CCDC178: variants seen among roughly 807,000 people sequenced by gnomAD.
CCDC178 encodes coiled-coil domain containing 178.
Under a neutral mutation model 117.4 loss-of-function variants are expected in CCDC178, and 126 were observed. The ratio of observed to expected loss-of-function variants is 1.07; its 90% CI spans 0.93 to 1.24. The LOEUF (loss-of-function observed/expected upper bound fraction) is 1.24. Among genes scored for constraint, CCDC178 ranks in the 50% most tolerant of loss-of-function variants. CCDC178 has a pLI of 0.00. For synonymous variants in CCDC178, 283 were observed against 313.4 expected, an observed-to-expected ratio of 0.90 and a Z score of 1.02; for missense variants, 1,030 against 986.9, an observed-to-expected ratio of 1.04 and a Z score of -0.59.
intron 20 of CCDC178, among the ~76,000 whole-genome samples, chr18:33,112,245 T>G (rs989864039): frequency 6.6e-6 from 1 of 151,868 alleles, no homozygotes; most frequent in Non-Finnish European, 1.5e-5. Context: ...AAGCTCATAA[T>G]AGTACAACCA....
chr18:33,330,225 T>C (rs2062647659), intron 10 of CCDC178, among the ~76,000 whole-genome samples: 1 of 152,168 alleles, frequency 6.6e-6, no homozygotes, highest in Non-Finnish European at 1.5e-5. Context: ...TGTTTACTTT[T>C]ACTAAGATAT....
chr18:33,232,761 G>A (rs187452111), intron 15 of CCDC178, among the ~76,000 whole-genome samples: 14 of 152,160 alleles, frequency 9.2e-5, no homozygotes, highest in African/African-American at 2.2e-4. Flanking sequence ...CCACAGATAC[G>A]CATTTTGACT....
At chr18:32,995,265 A>G (rs1261189068) in intron 21 of CCDC178, among the ~76,000 whole-genome samples, 1 of 152,200 alleles carries the variant, frequency 6.6e-6, no homozygotes, top group Non-Finnish European at 1.5e-5. Flanking sequence ...TGAATCTCTT[A>G]ATGGCTTTCT....
chr18:33,343,255 G>T (rs1333970967), intron 9 of CCDC178, among the ~76,000 whole-genome samples: 1 of 152,140 alleles, frequency 6.6e-6, no homozygotes, highest in African/African-American at 2.4e-5. Context: ...TGTGTCTTCA[G>T]ATAATGTTTG....
chr18:33,039,133 C>G (rs1053838414), intron 21 of CCDC178, among the ~76,000 whole-genome samples: 1 of 151,884 alleles, frequency 6.6e-6, no homozygotes, highest in African/African-American at 2.4e-5. Context: ...AATGAAACAT[C>G]TAGAAATAAA....
At chr18:32,985,037 A>G (rs1394400819) in intron 21 of CCDC178, among the ~76,000 whole-genome samples, 2 of 151,972 alleles carry the variant, frequency 1.3e-5, no homozygotes, top group Non-Finnish European at 2.9e-5. Flanking sequence ...TTTTAATGCA[A>G]AAAATCAAGA....
intron 3 of CCDC178, among the ~76,000 whole-genome samples, chr18:33,408,596 T>C (rs1457673468): frequency 6.6e-6 from 1 of 152,048 alleles, no homozygotes; most frequent in Non-Finnish European, 1.5e-5. Flanking sequence ...AGCCAAATTA[T>C]AAGTGCACAA....
At chr18:33,370,930 T>C (rs1375865799) in intron 5 of CCDC178, among the ~76,000 whole-genome samples, 1 of 152,046 alleles carries the variant, frequency 6.6e-6, no homozygotes, top group African/African-American at 2.4e-5. Flanking sequence ...GCAGTCCTTT[T>C]GACTCTAAGG....
chr18:33,249,108 G>A (rs1013380860), intron 14 of CCDC178, among the ~76,000 whole-genome samples: 57 of 152,068 alleles, frequency 3.7e-4, no homozygotes, highest in African/African-American at 1.4e-3. Context: ...ACTTTTTGAT[G>A]GGGTTCTTTG....
At chr18:33,262,522 A>G (rs1048790428) in intron 14 of CCDC178, among the ~76,000 whole-genome samples, 5 of 152,196 alleles carry the variant, frequency 3.3e-5, no homozygotes, top group Admixed American at 1.3e-4. Flanking sequence ...GTGGACATCT[A>G]CAGTCCTCAA....
intron 9 of CCDC178, among the ~76,000 whole-genome samples, chr18:33,339,699 T>C (rs2062789920): frequency 6.6e-6 from 1 of 151,918 alleles, no homozygotes; most frequent in Admixed American, 6.6e-5. Flanking sequence ...CATGCTATTC[T>C]TGTGATAATG....
chr18:33,320,465 C>CAT, intron 11 of CCDC178, among the ~76,000 whole-genome samples: 1 of 151,974 alleles, frequency 6.6e-6, no homozygotes, highest in African/African-American at 2.4e-5. Context: ...AAACAGAGAG[C>CAT]CAAATCATGA....
chr18:33,010,362 T>C (rs1446761623), intron 21 of CCDC178, among the ~76,000 whole-genome samples: 1 of 152,144 alleles, frequency 6.6e-6, no homozygotes, highest in Non-Finnish European at 1.5e-5. Context: ...GAGAAATTCT[T>C]GATGTATGAA....
chr18:33,084,672 C>A (rs562762594), intron 21 of CCDC178, among the ~76,000 whole-genome samples: 4 of 151,476 alleles, frequency 2.6e-5, no homozygotes, highest in Admixed American at 2.6e-4. Flanking sequence ...ATTAGCTGGG[C>A]GGGGTGGTGT....
At position 33,346,205 on chromosome 18, in the gene CCDC178, T is replaced by C. The variant is rs1386310458; in HGVS notation, c.658+6A>G. On this transcript the variant is annotated splice_donor_region_variant and intron_variant, in intron 9 of 22. Transcript: ENST00000383096. ...TAAGAAGTAATATAAAAATCCCTAT[T>C]ATTACCTTTCTGCACAGCCAATGGG... 1.3e-6 allele frequency: 2 copies of C among 1,596,810 alleles called. No homozygotes were observed. Among genetic ancestry groups the C allele is most frequent in the South Asian group, 2.2e-5 (2 of 89,998 alleles).
chr18:33,224,699 T>C (rs922947433), intron 17 of CCDC178, 76 bp downstream of exon 17: 51 of 952,790 alleles, frequency 5.4e-5, no homozygotes, highest in Non-Finnish European at 7.3e-5. Context: ...TCCCAAATGA[T>C]AATGTAAAAT....
At chr18:33,132,396 C>T (rs527567973) in intron 20 of CCDC178, among the ~76,000 whole-genome samples, 13 of 151,730 alleles carry the variant, frequency 8.6e-5, no homozygotes, top group Admixed American at 1.3e-4. Flanking sequence ...TTAATTAAAC[C>T]GTCTTTAACT....
intron 21 of CCDC178, among the ~76,000 whole-genome samples, chr18:33,025,565 G>T (rs1259745295): frequency 1.3e-5 from 2 of 152,178 alleles, no homozygotes; most frequent in East Asian, 3.9e-4. Flanking sequence ...AAATGATCCT[G>T]TTAGAAAATA....
At chr18:33,001,405 T>G (rs2055630708) in intron 21 of CCDC178, among the ~76,000 whole-genome samples, 1 of 146,730 alleles carries the variant, frequency 6.8e-6, no homozygotes, top group Admixed American at 6.7e-5. Context: ...CGCAGCTACT[T>G]GGGAGGCTGA....
Sources: gnomAD v4.1 joint callset for allele counts (sites outside exome capture counted in the v4.1 genomes callset) on GRCh38, gnomAD v4.1.1 for gene constraint, MANE v1.5 for transcripts, NCBI Gene and HGNC (gene_info 2026-07-23, HGNC 2026-07-21) for gene names.